The following SETD1A variants were observed in gnomAD, a reference collection of about 807,000 sequenced individuals.
SETD1A encodes SET domain containing 1A, histone lysine methyltransferase.
A neutral mutation model predicts 149.9 loss-of-function variants in SETD1A; 29 were observed. That is an observed-to-expected ratio of 0.19 (90% CI 0.14 to 0.26). The LOEUF (loss-of-function observed/expected upper bound fraction) is 0.26. Ranked by LOEUF, SETD1A falls within the 10% of genes least tolerant of loss-of-function variation. The pLI is 1.00. For missense variants in SETD1A, 2,109 were observed against 2,353.1 expected (o/e 0.90, Z 2.15); for synonymous variants, 1,141 against 968.5 (o/e 1.18, Z -3.31).
rs1192613669 is a variant in SETD1A, at chr16:30,961,121, T to A, written c.247-146T>A. 22 of 758,482 alleles carry A rather than the reference T, an allele frequency of 2.9e-5. No homozygotes were observed. The highest frequency in any genetic ancestry group is 3.0e-4 in the Middle Eastern group (1 of 3,286). The allele number at this position is 758,482 out of a possible 1,614,324, so 47.0% of individuals were successfully genotyped here. On this transcript the variant is annotated intron_variant, in intron 3 of 18. Transcript: ENST00000262519. The surrounding 1 kb of genome is among the most constrained non-coding windows in gnomAD (Gnocchi z 4.0). ...TTCAGGGAAAAGGGGTCAGGTCTGA[T>A]GGATCCCTTATTTTGGGCCCCTTCC...
Position 30,969,392 on chromosome 16 carries a change from G to T in SETD1A, c.2858G>T (p.Gly953Val), listed in dbSNP as rs779526663. The T allele has an allele frequency of 6.2e-7, 1 of 1,614,154 alleles. No homozygotes were observed. Among genetic ancestry groups the T allele is most frequent in the East Asian group, 2.2e-5 (1 of 44,874 alleles). Residue 953 changes from glycine (G) to valine (V), a missense_variant, in exon 11 of 19, where the codon GGC becomes GTC. This residue lies in a region of SETD1A where 832 missense variants were observed against 815.6 expected (regional missense o/e 1.02). Coordinates refer to ENST00000262519, the MANE Select transcript of SETD1A (RefSeq NM_014712.3). ...KRDEERGKTQ[G>V]KHRKSFALDS... ...GACGAAGAGCGAGGCAAGACCCAGG[G>T]CAAGCACCGCAAGTCCTTTGCTCTG...
chr16:30,958,096 G>A (rs1184212492), intron 1 of SETD1A, 132 bp downstream of exon 1: 2 of 149,948 alleles, frequency 1.3e-5, no homozygotes, highest in Admixed American at 1.3e-4. Context: ...CGCGAGGTGG[G>A]GGGAGGGGGA....
At chr16:30,972,983 C>T (rs953648468) in intron 13 of SETD1A, among the ~76,000 whole-genome samples, 1 of 152,180 alleles carries the variant, frequency 6.6e-6, no homozygotes, top group Non-Finnish European at 1.5e-5. Context: ...TGAGGTACTG[C>T]TGGGCTGAAG....
chr16:30,971,551 G>A lies in SETD1A; in HGVS notation c.3190G>A (p.Asp1064Asn), dbSNP rs1210135463. Reference protein sequence around the residue: ...SSSSSESSSEDEEEEERPAAL... With the variant: ...SSSSSESSSENEEEEERPAAL... ...TTCATCCTCTGAGTCCTCCTCTGAA[G>A]ATGAAGAGGAAGAGGAGCGGCCAGC... Residue 1064 changes from aspartate to asparagine, a missense_variant, in exon 13 of 19, where the codon GAT becomes AAT. Coordinates refer to ENST00000262519, the MANE Select transcript of SETD1A (RefSeq NM_014712.3). 1.9e-6 allele frequency: 3 copies of A among 1,613,756 alleles called. No homozygotes were observed. The highest frequency in any genetic ancestry group is 2.5e-6 in the Non-Finnish European group (3 of 1,179,950).
intron 6 of SETD1A, 70 bp downstream of exon 6, chr16:30,964,393 A>G (rs2056104956): frequency 1.4e-6 from 2 of 1,399,318 alleles, no homozygotes; most frequent in Admixed American, 1.9e-5. Context: ...GAAGATGCCC[A>G]GAGTCTGTCT....
In SETD1A at chr16:30,983,584, G is replaced by A; in HGVS notation, c.4813-51G>A. ...GGGTGCTGGCTGGCAGGCGTGCTCA[G>A]GGGCAGGAAGTGGGGGACTCTTCCC... is the stretch of plus-strand genomic sequence containing the variant. On this transcript the variant is annotated intron_variant, in intron 17 of 18. Transcript: ENST00000262519. The surrounding 1 kb of genome is among the most constrained non-coding windows in gnomAD (Gnocchi z 6.8). 1 of 1,585,112 alleles carries A rather than the reference G, an allele frequency of 6.3e-7. No individual in the cohort carries two copies.
In SETD1A at chr16:30,965,650, G is replaced by T. The variant is rs749590736; in HGVS notation, c.1769G>T (p.Arg590Leu). Residue 590 changes from arginine (R) to leucine (L), a missense_variant, in exon 8 of 19, where the codon CGG (arginine) becomes CTG (leucine). By Grantham distance (102) the Arg-to-Leu change is moderately radical (BLOSUM62 -2). This residue lies in a region of SETD1A where 431 missense variants were observed against 388.6 expected (regional missense o/e 1.11). Transcript: ENST00000262519. The part of the protein sequence containing the change: ...GDDMEISDDD[R>L]GGSPPPAPTP... Reference sequence around the variant, plus strand: ...GACATGGAGATCTCCGACGACGACCGGGGTGGCTCACCCCCTCCGGCCCCG... The same window carrying T: ...GACATGGAGATCTCCGACGACGACCTGGGTGGCTCACCCCCTCCGGCCCCG... 6 of 1,612,488 alleles carry T rather than the reference G, an allele frequency of 3.7e-6. No homozygotes were observed. The South Asian group carries it at 4.4e-5, about 12-fold the overall frequency.
At chr16:30,975,296 C>T (rs1014094551) in intron 13 of SETD1A, among the ~76,000 whole-genome samples, 1 of 152,042 alleles carries the variant, frequency 6.6e-6, no homozygotes, top group African/African-American at 2.4e-5. Context: ...GGCGACAGAG[C>T]GAGACTTCGT....
At position 30,971,514 on chromosome 16, in the gene SETD1A, C is replaced by A. The variant is rs751546799; in HGVS notation, c.3153C>A (p.Ser1051=). The A allele has an allele frequency of 4.3e-5, 69 of 1,613,720 alleles. No individual in the cohort carries two copies. The highest frequency in any genetic ancestry group is 5.8e-5 in the Non-Finnish European group (69 of 1,179,832). Residue 1051 remains serine (S), a synonymous_variant, in exon 13 of 19, where the codon TCC becomes TCA. Coordinates refer to ENST00000262519, the MANE Select transcript of SETD1A (RefSeq NM_014712.3). The part of the protein sequence containing the change: ...SSSSSSSSSS[S]SSSSSSSESS... ...CCTCCTCCTCCTCCTCGTCCTCATC[C>A]TCCTCGTCCTCTTCATCCTCTGAGT...
At position 30,983,659 on chromosome 16, in the gene SETD1A, C is replaced by T. The variant is rs139263804; in HGVS notation, c.4837C>T (p.Arg1613Cys). ...GATGGTGGCCGACATGCGGGAGAAG[C>T]GCTACGTGCAGGAGGGCATTGGCAG... is the stretch of plus-strand genomic sequence containing the variant. ...RQMVADMREK[R>C]YVQEGIGSSY... The change falls in exon 18 of 19, where the codon CGC becomes TGC. Residue 1613 changes from arginine (R) to cysteine (C), a missense_variant. By Grantham distance (180) the Arg-to-Cys change is radical. Transcript: ENST00000262519. This position sits in a 1 kb window ranked among gnomAD's most constrained non-coding sequence, Gnocchi z 6.8. 1.3e-5 allele frequency: 21 copies of T among 1,613,318 alleles called. No individual in the cohort carries two copies. Among genetic ancestry groups the T allele is most frequent in the Admixed American group, 1.7e-5 (1 of 59,924 alleles).
chr16:30,965,358 G>A lies in SETD1A; in HGVS notation c.1616G>A (p.Cys539Tyr), dbSNP rs770166885. 9 of 1,613,014 alleles carry A rather than the reference G, an allele frequency of 5.6e-6. No individual in the cohort carries two copies. The highest frequency in any genetic ancestry group is 3.3e-5 in the South Asian group (3 of 91,086). Residue 539 changes from cysteine (C) to tyrosine (Y), a missense_variant, in exon 7 of 19, where the codon TGC becomes TAC. Transcript: ENST00000262519. ...CCTTCTGGGTCAGGGCATGGGCCCTGCACACCCCCTCCGGCCCCAGCTAAT... is the reference window on the plus strand; with the variant it reads ...CCTTCTGGGTCAGGGCATGGGCCCTACACACCCCCTCCGGCCCCAGCTAAT... ...EVPSGSGHGP[C>Y]TPPPAPANFE...
chr16:30,964,689 C>T lies in SETD1A; in HGVS notation c.947C>T (p.Ala316Val), dbSNP rs765013401. The T allele has an allele frequency of 1.9e-6, 3 of 1,614,028 alleles. No homozygotes were observed. The African/African-American group carries it at 4.0e-5, about 22-fold the overall frequency. ...GCCTTTTCCCGCCGCCACTTCTCTG[C>T]ATCTTCAGCCTCCACAACCGCCTCC... is the stretch of plus-strand genomic sequence containing the variant. Reference protein sequence around the residue: ...QDAFSRRHFSASSASTTASTA... With the variant: ...QDAFSRRHFSVSSASTTASTA... Residue 316 changes from alanine (A) to valine (V), a missense_variant, in exon 7 of 19, where the codon GCA (alanine) becomes GTA (valine). By Grantham distance (64) the Ala-to-Val change is moderately conservative. Coordinates refer to ENST00000262519, the MANE Select transcript of SETD1A (RefSeq NM_014712.3).
rs573391600 is a variant in SETD1A, at chr16:30,974,525, T to A, written c.3358+2806T>A. Among the ~76,000 whole-genome samples, 4 of 151,896 alleles carry A rather than the reference T, an allele frequency of 2.6e-5. No individual in the cohort carries two copies. In the South Asian group the frequency reaches 6.2e-4, roughly 24 times the overall value. On this transcript the variant is annotated intron_variant, in intron 13 of 18. Coordinates refer to ENST00000262519, the MANE Select transcript of SETD1A (RefSeq NM_014712.3). ...TGGAGAGGCTCTGCAAAGCAGGGAGTGGCCTTGTATCACCAGGCCACCAGC... is the reference window on the plus strand; with the variant it reads ...TGGAGAGGCTCTGCAAAGCAGGGAGAGGCCTTGTATCACCAGGCCACCAGC...
Position 30,964,702 on chromosome 16 carries a change from C to T in SETD1A, c.960C>T (p.Ser320=), listed in dbSNP as rs750077110. The T allele has an allele frequency of 1.2e-6, 2 of 1,614,170 alleles. No homozygotes were observed. Among genetic ancestry groups the T allele is most frequent in the Non-Finnish European group, 1.7e-6 (2 of 1,180,044 alleles). Residue 320 remains serine, a synonymous_variant, in exon 7 of 19, where the codon TCC becomes TCT. Transcript: ENST00000262519. ...SRRHFSASSA[S]TTASTAIAAT... is the part of the protein sequence containing the mutation. ...GCCACTTCTCTGCATCTTCAGCCTC[C>T]ACAACCGCCTCCACGGCCATCGCCG...
At chr16:30,968,089 G>A (rs2056172847) in intron 10 of SETD1A, among the ~76,000 whole-genome samples, 1 of 152,110 alleles carries the variant, frequency 6.6e-6, no homozygotes, top group Admixed American at 6.6e-5. Flanking sequence ...AATGATACAA[G>A]ATCAAATGGA....
At chr16:30,967,406 G>T (rs1406636253) in intron 9 of SETD1A, 95 bp from the exon 10 acceptor site, 3 of 1,093,006 alleles carry the variant, frequency 2.7e-6, no homozygotes, top group Non-Finnish European at 4.2e-6. Flanking sequence ...TACCTGCCTT[G>T]GCCTCCCAAA....
At chr16:30,975,271 C>G (rs903849922) in intron 13 of SETD1A, among the ~76,000 whole-genome samples, 1 of 151,974 alleles carries the variant, frequency 6.6e-6, no homozygotes, top group Admixed American at 6.6e-5. Context: ...AATTGTACCA[C>G]TGCACTCCAG....
In SETD1A at chr16:30,965,888, T is replaced by A. The variant is rs1349558195; in HGVS notation, c.2007T>A (p.Leu669=). ...FVNSLELMDR[L]GAQWGGMPMS... The stretch of plus-strand genomic sequence containing the variant: ...ACTCCTTGGAGCTCATGGACCGACT[T>A]GGGGCTCAGTGGGGAGGGATGCCCA... The change falls in exon 8 of 19, where the codon CTT becomes CTA. Residue 669 remains leucine, a synonymous_variant. Transcript: ENST00000262519. 2 of 1,612,844 alleles carry A rather than the reference T, an allele frequency of 1.2e-6. No individual in the cohort carries two copies. Among genetic ancestry groups the A allele is most frequent in the Admixed American group, 3.3e-5 (2 of 59,886 alleles).
chr16:30,974,685 A>C lies in SETD1A; in HGVS notation c.3358+2966A>C, dbSNP rs140505947. Among the ~76,000 whole-genome samples, 1,357 of 152,220 alleles carry C rather than the reference A, an allele frequency of 8.9e-3. 14 individuals carry two copies. Among genetic ancestry groups the C allele is most frequent in the African/African-American group, 0.018 (750 of 41,528 alleles). On this transcript the variant is annotated intron_variant, in intron 13 of 18. Transcript: ENST00000262519. The stretch of plus-strand genomic sequence containing the variant: ...GAATGAGGGGAGGGCAGTTTTCTGG[A>C]AGGGTGGACCACTCTTGCTGAGATA...
Sources: allele counts gnomAD v4.1 joint callset (sites outside exome capture counted in the v4.1 genomes callset), GRCh38; gene constraint gnomAD v4.1.1; regional missense constraint gnomAD v4.1.1; non-coding constraint Gnocchi (gnomAD v3.1); transcripts MANE v1.5; gene names NCBI Gene and HGNC (gene_info 2026-07-23, HGNC 2026-07-21).